COL6A3: variants seen among roughly 807,000 people sequenced by gnomAD.
COL6A3 encodes collagen type VI alpha 3 chain.
In COL6A3, 137 loss-of-function variants were observed where a neutral mutation model predicts 274.1. The observed-to-expected ratio is 0.50, with a 90% CI of 0.44 to 0.58. The LOEUF is 0.58. Among genes scored for constraint, COL6A3 ranks in the 20% least tolerant of loss-of-function variants. The pLI is 0.00. For synonymous variants in COL6A3, 1,650 were observed against 1,650.6 expected (o/e 1.00, Z 0.01); for missense variants, 3,950 against 4,124.9 (o/e 0.96, Z 1.16).
chr2:237,330,176 A>T (rs940094206), intron 42 of COL6A3: 39 of 152,236 alleles, frequency 2.6e-4, no homozygotes, highest in African/African-American at 9.2e-4. Context: ...TAATAGTAAT[A>T]TGCATAGAAA....
intron 4 of COL6A3, 31 bp downstream of exon 4, chr2:237,387,551 C>T: frequency 6.2e-7 from 1 of 1,613,676 alleles, no homozygotes; most frequent in Non-Finnish European, 8.5e-7. Flanking sequence ...ACACCCCACT[C>T]CCACACAGAT....
Position 237,381,416 on chromosome 2 carries a change from C to G in COL6A3, c.1396G>C (p.Asp466His). ...LGLANFNAIRDFIAKVIQRLE... is the reference protein window; with the variant it reads ...LGLANFNAIRHFIAKVIQRLE... ...CTCTGGATGACTTTAGCAATGAAGT[C>G]TCGGATGGCATTGAAGTTGGCCAGT... The change falls in exon 5 of 44, where the codon GAC becomes CAC. Residue 466 changes from aspartate (D) to histidine (H), a missense_variant. Physicochemically the swap from Asp to His is moderately conservative, Grantham distance 81. This residue lies in a region of COL6A3 where 1,934 missense variants were observed against 1,984.3 expected (regional missense o/e 0.97). Transcript: ENST00000295550. 1 of 1,613,428 alleles carries G rather than the reference C, an allele frequency of 6.2e-7. No homozygotes were observed. The highest frequency in any genetic ancestry group is 8.5e-7 in the Non-Finnish European group (1 of 1,180,042).
In COL6A3 at chr2:237,372,345, A is replaced by T. The variant is rs1313525848; in HGVS notation, c.3680-8T>A. On this transcript the variant is annotated splice_region_variant and splice_polypyrimidine_tract_variant and intron_variant, in intron 8 of 43. Transcript: ENST00000295550. ...CCCTCTTGCCACCAACACCTGCGAA[A>T]CAAATGTGAGCATGGCTTCACCTTC... is the stretch of plus-strand genomic sequence containing the variant. 1.2e-6 allele frequency: 2 copies of T among 1,603,156 alleles called. No homozygotes were observed. Among genetic ancestry groups the T allele is most frequent in the East Asian group, 2.2e-5 (1 of 44,876 alleles).
intron 1 of COL6A3, among the ~76,000 whole-genome samples, chr2:237,402,927 GA>G (rs1393471024): frequency 1.3e-5 from 2 of 152,170 alleles, no homozygotes; most frequent in African/African-American, 4.8e-5. Flanking sequence ...TACAGCTAAT[GA>G]AATCAGGGAT....
At chr2:237,348,971 C>G (rs2077151795) in intron 28 of COL6A3, among the ~76,000 whole-genome samples, 1 of 152,150 alleles carries the variant, frequency 6.6e-6, no homozygotes, top group Non-Finnish European at 1.5e-5. Flanking sequence ...CTCGTCAACC[C>G]CAAGAATCTT....
chr2:237,334,302 A>T (rs1482135259), intron 41 of COL6A3, among the ~76,000 whole-genome samples: 1 of 152,172 alleles, frequency 6.6e-6, no homozygotes, highest in Non-Finnish European at 1.5e-5. Context: ...AGGAGCCCTC[A>T]CCGGGAGACG....
At chr2:237,342,895 G>C (rs1388616545) in intron 36 of COL6A3, 1 of 152,382 alleles carries the variant, frequency 6.6e-6, no homozygotes, top group Non-Finnish European at 1.5e-5. Flanking sequence ...GTGTTCGGCA[G>C]AACAAGCCCT....
chr2:237,357,963 T>C (rs2077354413), intron 21 of COL6A3, 81 bp from the exon 22 acceptor site: 10 of 1,324,196 alleles, frequency 7.6e-6, no homozygotes, highest in Middle Eastern at 3.8e-4. Context: ...CAGGGAAATA[T>C]TAGCAAGGAC....
At position 237,357,818 on chromosome 2, in the gene COL6A3, A is replaced by G; in HGVS notation, c.6536T>C (p.Met2179Thr). Reference protein sequence around the residue: ...PKGETGDLGPMGVPGRDGVPG... With the variant: ...PKGETGDLGPTGVPGRDGVPG... ...GTCTAGGAATGTGCAGCACCTTACC[A>G]TGGGGCCGAGGTCACCGGTTTCTCC... Residue 2179 changes from methionine to threonine, a missense_variant and splice_region_variant, in exon 22 of 44, where the codon ATG becomes ACG. By Grantham distance (81) the Met-to-Thr change is moderately conservative. Transcript: ENST00000295550. The G allele has an allele frequency of 6.8e-6, 11 of 1,613,942 alleles. No individual in the cohort carries two copies. Among genetic ancestry groups the G allele is most frequent in the East Asian group, 2.2e-5 (1 of 44,872 alleles).
intron 11 of COL6A3, 150 bp from the exon 12 acceptor site, chr2:237,366,185 C>T (rs2645770): frequency 1.4e-5 from 10 of 704,072 alleles, no homozygotes; most frequent in Non-Finnish European, 2.3e-5. Flanking sequence ...CTTTGAGAAG[C>T]AATTCTATCC....
chr2:237,339,085 T>C lies in COL6A3; in HGVS notation c.8497A>G (p.Arg2833Gly), dbSNP rs2076931039. The C allele has an allele frequency of 3.7e-6, 6 of 1,613,954 alleles. No homozygotes were observed. In the South Asian group the frequency reaches 5.5e-5, roughly 15 times the overall value. ...CCTTGGAACCAATCACACTGTTTCC[T>C]GATATCTGGGGACAAGTAAAAAGCA... The part of the protein sequence containing the change: ...ENAFYLSPDI[R>G]KQCDWFQGDQ... The change falls in exon 39 of 44, where the codon AGG becomes GGG. Residue 2833 changes from arginine (R) to glycine (G), a missense_variant. Arg to Gly is a moderately radical substitution (Grantham distance 125). Around this residue, in one of 5 missense-constraint regions of COL6A3, gnomAD observed 1,284 missense variants for 1,349.7 expected, o/e 0.95. Transcript: ENST00000295550.
rs1156769585 is a variant in COL6A3 at position 237,374,826 on chromosome 2, G to A, written c.3265C>T (p.Gln1089Ter). 6.2e-7 allele frequency: 1 copy of A among 1,614,030 alleles called. No individual in the cohort carries two copies. The highest frequency in any genetic ancestry group is 1.1e-5 in the South Asian group (1 of 91,076). The change falls in exon 8 of 44, where the codon CAG becomes TAG. Residue 1089 changes from glutamine (Q) to a stop codon, truncating the protein, a stop_gained. Transcript: ENST00000295550. LOFTEE classifies it high-confidence loss of function. This position sits in a 1 kb window ranked among gnomAD's most constrained non-coding sequence, Gnocchi z 4.8. Reference sequence around the variant, plus strand: ...TGGCGGACAGCGTTGACGACGTCCTGCTTGTTCATGTATGAATTCAGGTAG... The same window carrying A: ...TGGCGGACAGCGTTGACGACGTCCTACTTGTTCATGTATGAATTCAGGTAG... ...EFYLNSYMNK[Q>*]DVVNAVRQLT...
chr2:237,355,807 T>C (rs192123468), intron 23 of COL6A3: 2 of 152,362 alleles, frequency 1.3e-5, no homozygotes, highest in African/African-American at 4.8e-5. Flanking sequence ...GCGGAAGATC[T>C]TGGCCACCTT....
At position 237,363,153 on chromosome 2, in the gene COL6A3, C is replaced by A. The variant is rs548274260; in HGVS notation, c.6063+100G>T. The A allele has an allele frequency of 2.7e-4, 314 of 1,151,132 alleles. No individual in the cohort carries two copies. The African/African-American group carries it at 3.5e-3, about 13-fold the overall frequency. The allele number at this position is 1,151,132 out of a possible 1,614,324, so 71.3% of individuals were successfully genotyped here. On this transcript the variant is annotated intron_variant, in intron 14 of 43. Transcript: ENST00000295550. ...TAACTATCTACCAAGGCCCCCCCCCCACCTCCATTCACCTGCTGATAATTA... is the reference window on the plus strand; with the variant it reads ...TAACTATCTACCAAGGCCCCCCCCCAACCTCCATTCACCTGCTGATAATTA...
At chr2:237,332,117 A>ATATATATATATATATGTG (rs35490728) in intron 42 of COL6A3, among the ~76,000 whole-genome samples, 1 of 64,170 alleles carries the variant, frequency 1.6e-5, no homozygotes, top group African/African-American at 4.8e-5. Context: ...ATATATATAT[A>ATATATATATATATATGTG]TGAAAAGAAA....
chr2:237,397,497 G>A (rs1046433437), intron 1 of COL6A3, among the ~76,000 whole-genome samples: 2 of 151,650 alleles, frequency 1.3e-5, no homozygotes, highest in African/African-American at 2.4e-5. Context: ...GGGAAGGAGG[G>A]AGGGAGGAAG....
intron 7 of COL6A3, among the ~76,000 whole-genome samples, chr2:237,375,597 C>T (rs192039651): frequency 2.4e-4 from 37 of 152,294 alleles, no homozygotes; most frequent in Admixed American, 2.4e-3. Flanking sequence ...GGCTAGAGTG[C>T]AGTGGCGCAA....
At position 237,387,577 on chromosome 2, in the gene COL6A3, C is replaced by A; in HGVS notation, c.1312+5G>T. Reference sequence around the variant, plus strand: ...CCACACAGATGGTGAGAAGAGGATACATACCTTGTGTGACAATGGTTGGCG... The same window carrying A: ...CCACACAGATGGTGAGAAGAGGATAAATACCTTGTGTGACAATGGTTGGCG... On this transcript the variant is annotated splice_donor_5th_base_variant and intron_variant, in intron 4 of 43. Coordinates refer to ENST00000295550, the MANE Select transcript of COL6A3 (RefSeq NM_004369.4). The A allele has an allele frequency of 6.2e-7, 1 of 1,613,988 alleles. No individual in the cohort carries two copies. The highest frequency in any genetic ancestry group is 1.1e-5 in the South Asian group (1 of 90,986).
At chr2:237,359,286 A>C in intron 18 of COL6A3, 36 bp from the exon 19 acceptor site, 1 of 1,614,156 alleles carries the variant, frequency 6.2e-7, no homozygotes, top group Non-Finnish European at 8.5e-7. Context: ...AAGTATAGAA[A>C]GCTATTCTGG....
Sources: allele counts gnomAD v4.1 joint callset (sites outside exome capture counted in the v4.1 genomes callset), GRCh38; gene constraint gnomAD v4.1.1; regional missense constraint gnomAD v4.1.1; non-coding constraint Gnocchi (gnomAD v3.1); transcripts MANE v1.5; gene names NCBI Gene and HGNC (gene_info 2026-07-23, HGNC 2026-07-21).